The following HDAC2 variants were observed in gnomAD, a reference collection of about 807,000 sequenced individuals.
HDAC2 encodes the protein YY1-associated factor 1.
Under a neutral mutation model 68.5 loss-of-function variants are expected in HDAC2, and 5 were observed. The ratio of observed to expected loss-of-function variants is 0.07; its 90% CI spans 0.04 to 0.15. HDAC2 has a LOEUF of 0.15. Among genes scored for constraint, HDAC2 ranks in the 10% least tolerant of loss-of-function variants. The probability of loss-of-function intolerance (pLI) is 1.00; values close to 1 mark genes in which losing one functional copy is unlikely to be tolerated. For missense variants in HDAC2, 291 were observed against 600.8 expected (o/e 0.48, Z 5.39); for synonymous variants, 182 against 191.3 (o/e 0.95, Z 0.40).
intron 6 of HDAC2, among the ~76,000 whole-genome samples, chr6:113,952,535 CTT>C (rs1463541266): frequency 1.3e-5 from 2 of 152,110 alleles, no homozygotes; most frequent in Non-Finnish European, 2.9e-5. Context: ...TAGTTTAAAA[CTT>C]TGTTCAATGC....
chr6:113,961,676 T>C (rs954905073), intron 1 of HDAC2, among the ~76,000 whole-genome samples: 1 of 152,184 alleles, frequency 6.6e-6, no homozygotes, highest in South Asian at 2.1e-4. Flanking sequence ...GAAAGCAGCC[T>C]GGTCTCATCA....
intron 9 of HDAC2, 108 bp downstream of exon 9, chr6:113,945,900 C>T (rs1776254284): frequency 1.2e-6 from 1 of 866,552 alleles, no homozygotes; most frequent in Non-Finnish European, 1.9e-6. Flanking sequence ...TTCTACTTAT[C>T]ATACTTTCAA....
At chr6:113,954,090 A>G (rs1197132287) in intron 5 of HDAC2, among the ~76,000 whole-genome samples, 2 of 152,250 alleles carry the variant, frequency 1.3e-5, no homozygotes, top group South Asian at 2.1e-4. Flanking sequence ...GATTAGTGAC[A>G]CAGTTGTAAC....
intron 1 of HDAC2, among the ~76,000 whole-genome samples, chr6:113,967,360 C>T (rs954886319): frequency 6.6e-6 from 1 of 152,122 alleles, no homozygotes; most frequent in Non-Finnish European, 1.5e-5. Context: ...AACTCCCGAC[C>T]TCAGGTGATT....
At chr6:113,951,758 C>A (rs1254337722) in intron 6 of HDAC2, among the ~76,000 whole-genome samples, 1 of 152,134 alleles carries the variant, frequency 6.6e-6, no homozygotes, top group Non-Finnish European at 1.5e-5. Flanking sequence ...TGAGACACCG[C>A]GCCCGGCCCA....
At chr6:113,941,187 A>G (rs937946649) in intron 13 of HDAC2, 99 bp from the exon 14 acceptor site, 7 of 795,994 alleles carry the variant, frequency 8.8e-6, no homozygotes, top group Admixed American at 5.0e-5. Context: ...TCATGCTAAG[A>G]AACACATTAA....
intron 2 of HDAC2, 136 bp downstream of exon 2, chr6:113,959,770 A>T: frequency 1.7e-6 from 1 of 583,812 alleles, no homozygotes; most frequent in Non-Finnish European, 3.1e-6. Flanking sequence ...GAATAAACGA[A>T]AAAAGAAGTT....
At position 113,960,020 on chromosome 6, in the gene HDAC2, T is replaced by TA. The variant is rs774818840; in HGVS notation, c.53-3dup. ...CATAATAATAATTTCCAATATCACC[T>TA]AAAATAGAAAAGACACAAACTAAAC... On this transcript the variant is annotated splice_polypyrimidine_tract_variant and splice_region_variant and intron_variant, in intron 1 of 13. Transcript: ENST00000519065. 1 of 1,404,536 alleles carries TA rather than the reference T, an allele frequency of 7.1e-7. No individual in the cohort carries two copies. Among genetic ancestry groups the TA allele is most frequent in the Non-Finnish European group, 1.0e-6 (1 of 989,242 alleles). The allele number at this position is 1,404,536 out of a possible 1,614,324, so 87.0% of individuals were successfully genotyped here. A position where few individuals can be genotyped will look rare whatever the true frequency, so the allele number is the denominator to read the frequency against.
Position 113,966,331 on chromosome 6 carries a change from C to T in HDAC2, c.52+4526G>A, listed in dbSNP as rs377459310. ...TAGGGAGGCTGAGGTGGGTGGATCA[C>T]CCCAGGTCAGGAGTTCGAGACCAGC... On this transcript the variant is annotated intron_variant, in intron 1 of 13. Coordinates refer to ENST00000519065, the MANE Select transcript of HDAC2 (RefSeq NM_001527.4). Among the ~76,000 whole-genome samples the T allele has an allele frequency of 4.7e-4, 71 of 152,220 alleles. 1 individual carries two copies. The highest frequency in any genetic ancestry group is 3.1e-3 in the South Asian group (15 of 4,824).
At chr6:113,955,347 G>A (rs575983321) in intron 5 of HDAC2, among the ~76,000 whole-genome samples, 53 of 151,982 alleles carry the variant, frequency 3.5e-4, no homozygotes, top group African/African-American at 1.3e-3. Context: ...CTGAGTAGCT[G>A]GGATTACAGG....
At chr6:113,966,597 T>C (rs918829218) in intron 1 of HDAC2, among the ~76,000 whole-genome samples, 1 of 150,022 alleles carries the variant, frequency 6.7e-6, no homozygotes, top group East Asian at 1.9e-4. Context: ...AATTTATTCA[T>C]CACTAATTAA....
rs1308705727 is a variant in HDAC2, at chr6:113,935,125, C to T, written c.*5933G>A. 6.6e-6 allele frequency: 1 copy of T among 152,196 alleles called. No homozygotes were observed. The highest frequency in any genetic ancestry group is 1.5e-5 in the Non-Finnish European group (1 of 68,040). 9.4% of individuals were successfully genotyped at this position (152,196 alleles called of 1,614,324 possible). A position where few individuals can be genotyped will look rare whatever the true frequency, so the allele number is the denominator to read the frequency against. On this transcript the variant is annotated 3_prime_UTR_variant, in exon 14 of 14. Coordinates refer to ENST00000519065, the MANE Select transcript of HDAC2 (RefSeq NM_001527.4). ...TACCACAGGGCCACACAACAGTGCC[C>T]TCTTAAGCCCCTTAATTTCACCTAG...
In HDAC2 at chr6:113,944,316, C is replaced by G; in HGVS notation, c.1186G>C (p.Asp396His). 1 of 1,612,636 alleles carries G rather than the reference C, an allele frequency of 6.2e-7. No individual in the cohort carries two copies. Among genetic ancestry groups the G allele is most frequent in the Non-Finnish European group, 8.5e-7 (1 of 1,178,684 alleles). Reference sequence around the variant, plus strand: ...TTGTCTGGATCTTCTCCATCTTCATCTCCACTGTCTTCATGAACAGCATCT... The same window carrying G: ...TTGTCTGGATCTTCTCCATCTTCATGTCCACTGTCTTCATGAACAGCATCT... The part of the protein sequence containing the change: ...PEDAVHEDSG[D>H]EDGEDPDKRI... The change falls in exon 11 of 14, where the codon GAT becomes CAT. Residue 396 changes from aspartate (D) to histidine (H), a missense_variant. Transcript: ENST00000519065.
intron 10 of HDAC2, 72 bp from the exon 11 acceptor site, chr6:113,944,482 T>A: frequency 3.7e-6 from 5 of 1,360,344 alleles, no homozygotes; most frequent in Admixed American, 1.9e-5. Flanking sequence ...AGAGAAAATA[T>A]TTAGCAAAAA....
rs752680136 is a variant in HDAC2, at chr6:113,955,994, T to C, written c.497+19A>G. Reference sequence around the variant, plus strand: ...AAACACTTTATCACTGAAAAGAGTATCAATATAAATTAACATACTTTAGTA... The same window carrying C: ...AAACACTTTATCACTGAAAAGAGTACCAATATAAATTAACATACTTTAGTA... On this transcript the variant is annotated intron_variant, in intron 5 of 13. Transcript: ENST00000519065. 1 of 1,555,826 alleles carries C rather than the reference T, an allele frequency of 6.4e-7. No individual in the cohort carries two copies. Among genetic ancestry groups the C allele is most frequent in the Non-Finnish European group, 8.7e-7 (1 of 1,143,168 alleles).
rs1289845138 is a variant in HDAC2 at position 113,937,211 on chromosome 6, T to C, written c.*3847A>G. On this transcript the variant is annotated 3_prime_UTR_variant, in exon 14 of 14. Transcript: ENST00000519065. The stretch of plus-strand genomic sequence containing the variant: ...TGTTTTCAAAAGCCCTTATCATTTA[T>C]ATCACAATATGAATAACAAATATTA... 6.6e-6 allele frequency: 1 copy of C among 152,216 alleles called. No individual in the cohort carries two copies. Among genetic ancestry groups the C allele is most frequent in the African/African-American group, 2.4e-5 (1 of 41,456 alleles). 9.4% of individuals were successfully genotyped at this position (152,216 alleles called of 1,614,324 possible).
chr6:113,970,368 G>A (rs546391746), intron 1 of HDAC2: 13 of 739,694 alleles, frequency 1.8e-5, no homozygotes, highest in Middle Eastern at 6.9e-4. Flanking sequence ...GGACGGGAGG[G>A]GCGGAGCTCT....
chr6:113,949,888 TCTC>T (rs1207598242), intron 6 of HDAC2, among the ~76,000 whole-genome samples: 1 of 152,082 alleles, frequency 6.6e-6, no homozygotes, highest in African/African-American at 2.4e-5. Context: ...TTCAAGCAAT[TCTC>T]CTGCCTCAGC....
At position 113,933,679 on chromosome 6, in the gene HDAC2, C is replaced by G. The variant is rs1775938478; in HGVS notation, c.*7379G>C. 6.6e-6 allele frequency: 1 copy of G among 151,894 alleles called. No individual in the cohort carries two copies. The highest frequency in any genetic ancestry group is 2.1e-4 in the South Asian group (1 of 4,804). The allele number at this position is 151,894 out of a possible 1,614,324, so 9.4% of individuals were successfully genotyped here. Reference sequence around the variant, plus strand: ...CAGTGGAGTGTAAGACAAACAAAACCCTTGCCCTTATGAAACTCTTAATCC... The same window carrying G: ...CAGTGGAGTGTAAGACAAACAAAACGCTTGCCCTTATGAAACTCTTAATCC... On this transcript the variant is annotated 3_prime_UTR_variant, in exon 14 of 14. Coordinates refer to ENST00000519065, the MANE Select transcript of HDAC2 (RefSeq NM_001527.4).
Sources: gnomAD v4.1 joint callset for allele counts (sites outside exome capture counted in the v4.1 genomes callset) on GRCh38, gnomAD v4.1.1 for gene constraint, MANE v1.5 for transcripts, NCBI Gene and HGNC (gene_info 2026-07-23, HGNC 2026-07-21) for gene names.